Variants in NPM1 observed in about 807,000 individuals in gnomAD.
NPM1 encodes the protein nucleophosmin 1, also known as nucleophosmin.
NPM1 carries 1 observed loss-of-function variant against 44.1 expected under a neutral mutation model. The observed-to-expected ratio is 0.02, with a 90% CI of 0.01 to 0.11. NPM1 has a LOEUF of 0.11. NPM1 is among the 10% of genes least tolerant of loss of function. NPM1 has a pLI of 1.00. For synonymous variants in NPM1, 126 were observed against 111.8 expected, an observed-to-expected ratio of 1.13 and a Z score of -0.80; for missense variants, 197 against 347.8, an observed-to-expected ratio of 0.57 and a Z score of 3.45.
At chr5:171,405,636 A>G (rs1413278551) in intron 9 of NPM1, 3 of 473,946 alleles carry the variant, frequency 6.3e-6, no homozygotes, top group Non-Finnish European at 1.1e-5. Flanking sequence ...CAAGGAACGT[A>G]GTGCACTGGT....
chr5:171,387,358 A>T (rs11134695), upstream of NPM1: 10,171 of 160,352 alleles, frequency 0.063, 556 homozygotes, highest in Admixed American at 0.14. Context: ...GCAAGTAAAA[A>T]ATTCCTGAAG....
At chr5:171,395,431 C>T (rs1343640591) in intron 6 of NPM1, among the ~76,000 whole-genome samples, 1 of 152,016 alleles carries the variant, frequency 6.6e-6, no homozygotes, top group African/African-American at 2.4e-5. Flanking sequence ...TCCAGAGTAG[C>T]TTGGATTACA....
upstream of NPM1, chr5:171,387,647 G>T: frequency 2.2e-6 from 1 of 449,198 alleles, no homozygotes; most frequent in East Asian, 3.9e-5. Flanking sequence ...GCCAGTGTAC[G>T]AGTGCGCGTG....
At chr5:171,390,151 A>C in intron 2 of NPM1, 21 bp downstream of exon 2, 1 of 1,351,688 alleles carries the variant, frequency 7.4e-7, no homozygotes, top group Non-Finnish European at 1.0e-6. Flanking sequence ...TTTCAAAATA[A>C]ACTACTTAAC....
rs932488342 is a variant in NPM1, at chr5:171,391,615, C to T, written c.259-91C>T. 28 of 1,130,348 alleles carry T rather than the reference C, an allele frequency of 2.5e-5. No homozygotes were observed. In the African/African-American group the frequency reaches 4.0e-4, roughly 16 times the overall value. The allele number at this position is 1,130,348 out of a possible 1,614,324, so 70.0% of individuals were successfully genotyped here. On this transcript the variant is annotated intron_variant, in intron 3 of 10. Coordinates refer to ENST00000296930, the MANE Select transcript of NPM1 (RefSeq NM_002520.7). ...TATCAGAGGTGGAAAAACAGGTTCA[C>T]TGGTTTGTTGATTTGGCTTATGTGT...
intron 1 of NPM1, among the ~76,000 whole-genome samples, chr5:171,389,143 G>GT (rs757227026): frequency 1.4e-4 from 21 of 152,188 alleles, no homozygotes; most frequent in Admixed American, 1.3e-4. Flanking sequence ...TCCCACTTGG[G>GT]TTTTTGATCT....
chr5:171,407,286 TTTTG>T (rs1166050141), intron 9 of NPM1, among the ~76,000 whole-genome samples: 12 of 152,126 alleles, frequency 7.9e-5, no homozygotes, highest in African/African-American at 1.4e-4. Flanking sequence ...TTTTGTGGGG[TTTTG>T]TTTGTTTGTT....
At chr5:171,391,284 G>GT in intron 2 of NPM1, 21 bp from the exon 3 acceptor site, 1 of 1,604,556 alleles carries the variant, frequency 6.2e-7, no homozygotes, top group East Asian at 2.2e-5. Context: ...AGTTGAAGTA[G>GT]TATTTTTTTT....
At position 171,406,251 on chromosome 5, in the gene NPM1, C is replaced by G. The variant is rs974448298; in HGVS notation, c.771+848C>G. On this transcript the variant is annotated intron_variant, in intron 9 of 10. Coordinates refer to ENST00000296930, the MANE Select transcript of NPM1 (RefSeq NM_002520.7). ...TGGAAAAAGAATTTTAGAACTGGAA[C>G]ATATTTCTTTTAGTCACACTGTAAA... 5.8e-5 allele frequency: 42 copies of G among 720,878 alleles called. No homozygotes were observed. In the African/African-American group the frequency reaches 6.8e-4, roughly 12 times the overall value. 44.7% of individuals were successfully genotyped at this position (720,878 alleles called of 1,614,324 possible).
intron 10 of NPM1, among the ~76,000 whole-genome samples, chr5:171,408,421 C>G (rs928536011): frequency 6.6e-6 from 1 of 152,124 alleles, no homozygotes; most frequent in African/African-American, 2.4e-5. Context: ...ACGGATGCTG[C>G]ATTTAATGGT....
chr5:171,400,057 T>G, intron 6 of NPM1, 96 bp from the exon 7 acceptor site: 1 of 745,918 alleles, frequency 1.3e-6, no homozygotes, highest in East Asian at 2.5e-5. Context: ...TCGATAAACA[T>G]GGGTGCACAA....
intron 8 of NPM1, among the ~76,000 whole-genome samples, chr5:171,402,232 A>C (rs559561256): frequency 1.1e-4 from 16 of 150,612 alleles, no homozygotes; most frequent in African/African-American, 3.9e-4. Context: ...AAGACATACA[A>C]GTGGCCAAAA....
At chr5:171,396,365 A>T (rs1297434906) in intron 6 of NPM1, among the ~76,000 whole-genome samples, 2 of 152,156 alleles carry the variant, frequency 1.3e-5, no homozygotes, top group African/African-American at 4.8e-5. Flanking sequence ...AAAAATGTTT[A>T]AAAAAAGCAT....
At chr5:171,404,899 G>A (rs576987063) in intron 8 of NPM1, among the ~76,000 whole-genome samples, 1 of 152,182 alleles carries the variant, frequency 6.6e-6, no homozygotes, top group South Asian at 2.1e-4. Flanking sequence ...TTTTTGAACT[G>A]ACTTAGTACT....
chr5:171,387,692 T>TG (rs557898622), upstream of NPM1: 355 of 452,676 alleles, frequency 7.8e-4, 1 homozygote, highest in African/African-American at 0.01. Flanking sequence ...TGGAAGGAGG[T>TG]GGGGGCGAGG....
At chr5:171,410,240 C>T (rs1007696912) in intron 10 of NPM1, among the ~76,000 whole-genome samples, 1 of 152,272 alleles carries the variant, frequency 6.6e-6, no homozygotes, top group South Asian at 2.1e-4. Flanking sequence ...TTGGAAGTAA[C>T]ATTGGCCATA....
At chr5:171,391,567 A>C (rs1421365564) in intron 3 of NPM1, 139 bp from the exon 4 acceptor site, 4 of 1,194,260 alleles carry the variant, frequency 3.3e-6, no homozygotes, top group Non-Finnish European at 3.6e-6. Context: ...ACTCTTGAAC[A>C]TGGGGGCTTC....
chr5:171,408,398 T>A (rs376211819), intron 10 of NPM1, among the ~76,000 whole-genome samples: 11 of 152,202 alleles, frequency 7.2e-5, no homozygotes, highest in African/African-American at 2.7e-4. Flanking sequence ...GGATGTTAGG[T>A]ATCGTGTGGA....
chr5:171,400,084 C>T, intron 6 of NPM1, 69 bp from the exon 7 acceptor site: 1 of 893,540 alleles, frequency 1.1e-6, no homozygotes, highest in Non-Finnish European at 1.9e-6. Flanking sequence ...ACTTCAAGGT[C>T]CTGCTTTCAA....
Sources: gnomAD v4.1 joint callset for allele counts (sites outside exome capture counted in the v4.1 genomes callset) on GRCh38, gnomAD v4.1.1 for gene constraint, MANE v1.5 for transcripts, NCBI Gene and HGNC (gene_info 2026-07-23, HGNC 2026-07-21) for gene names.